MAP7D2: variants seen among roughly 807,000 people sequenced by gnomAD.
The protein encoded by MAP7D2 is MAP7 domain-containing protein 2.
A neutral mutation model predicts 63.5 loss-of-function variants in MAP7D2; 33 were observed. The observed-to-expected ratio is 0.52, with a 90% confidence interval of 0.39 to 0.70. The LOEUF (loss-of-function observed/expected upper bound fraction) is 0.70. MAP7D2 is among the 30% of genes least tolerant of loss of function. The probability of loss-of-function intolerance (pLI) is 0.00; values close to 1 mark genes in which losing one functional copy is unlikely to be tolerated. For missense variants in MAP7D2, 626 were observed against 604.0 expected, an observed-to-expected ratio of 1.04 and a Z score of -0.38; for synonymous variants, 224 against 223.7, an observed-to-expected ratio of 1.00 and a Z score of -0.01.
chrX:20,080,417 G>C (rs764915320), intron 1 of MAP7D2, among the ~76,000 whole-genome samples: 4 of 110,513 alleles, frequency 3.6e-5, no homozygotes, highest in African/African-American at 1.3e-4. Context: ...AAACCAACAA[G>C]CAAATGGGGC....
Position 20,016,321 on chromosome X carries a change from C to T in MAP7D2, c.1417G>A (p.Glu473Lys), listed in dbSNP as rs762383730. 6 of 1,207,457 alleles carry T rather than the reference C, an allele frequency of 5.0e-6. No individual in the cohort carries two copies. The highest frequency in any genetic ancestry group is 4.5e-6 in the Non-Finnish European group (4 of 893,365). ...RLEKEEQDRL[E>K]REELKRKAEE... ...GCCTTTCTTTTCAATTCCTCTCTCT[C>T]CAGCCTTTTGAGAATACAACTGTTG... The change falls in exon 11 of 17, where the codon GAG (glutamate) becomes AAG (lysine). Residue 473 changes from glutamate to lysine, a missense_variant. Glu to Lys is a moderately conservative substitution (Grantham distance 56). Transcript: ENST00000379643.
intron 4 of MAP7D2, among the ~76,000 whole-genome samples, chrX:20,055,321 A>G (rs1182452913): frequency 8.9e-6 from 1 of 111,994 alleles, no homozygotes; most frequent in Non-Finnish European, 1.9e-5. Flanking sequence ...CCAGGAATCT[A>G]TCACTTTAAC....
At position 20,047,824 on chromosome X, in the gene MAP7D2, A is replaced by G. The variant is rs1316606287; in HGVS notation, c.718+3000T>C. ...GCAACAGAGCAAGACCTTGTCTCCA[A>G]AATAAATAAATAAATAAATAAATAA... On this transcript the variant is annotated intron_variant, in intron 6 of 16. Coordinates refer to ENST00000379643, the MANE Select transcript of MAP7D2 (RefSeq NM_001168465.2). Among the ~76,000 whole-genome samples the G allele has an allele frequency of 4.0e-5, 4 of 101,165 alleles. No individual in the cohort carries two copies. In the East Asian group the frequency reaches 1.2e-3, roughly 29 times the overall value. The allele number at this position is 101,165 out of a possible 115,157, so 87.8% of individuals were successfully genotyped here.
chrX:20,023,759 T>C (rs1275033231), intron 10 of MAP7D2, among the ~76,000 whole-genome samples: 2 of 111,505 alleles, frequency 1.8e-5, no homozygotes, highest in South Asian at 3.8e-4. Context: ...TCTGAGGTCC[T>C]GTGATTCATC....
At chrX:20,094,509 T>C (rs1308815006) in intron 1 of MAP7D2, among the ~76,000 whole-genome samples, 504 of 18,127 alleles carry the variant, frequency 0.028, 31 homozygotes, top group Non-Finnish European at 0.048. Flanking sequence ...TATATATATA[T>C]ATATATGTAT....
chrX:20,083,972 G>A (rs1369702443), intron 1 of MAP7D2, among the ~76,000 whole-genome samples: 2 of 111,160 alleles, frequency 1.8e-5, no homozygotes, highest in Non-Finnish European at 3.8e-5. Context: ...AGGCTGAGAC[G>A]AGTGGATCAC....
chrX:20,055,541 G>A (rs911942084), intron 4 of MAP7D2, among the ~76,000 whole-genome samples: 1 of 111,798 alleles, frequency 8.9e-6, no homozygotes, highest in African/African-American at 3.3e-5. Flanking sequence ...TAAGATGTAA[G>A]GCATGCACCG....
chrX:20,049,811 G>A (rs1431486781), intron 6 of MAP7D2: 12 of 321,228 alleles, frequency 3.7e-5, no homozygotes, highest in Non-Finnish European at 7.2e-5. Flanking sequence ...CAGTGTGTGA[G>A]GGAAGAGTGT....
chrX:20,062,736 T>C, intron 3 of MAP7D2, among the ~76,000 whole-genome samples: 1 of 112,493 alleles, frequency 8.9e-6, no homozygotes, highest in Non-Finnish European at 1.9e-5. Flanking sequence ...GCTTTCTAAA[T>C]ATATTTTCAA....
rs1222526682 is a variant in MAP7D2, at chrX:20,107,405, T to C, written c.130+9345A>G. Among the ~76,000 whole-genome samples the C allele has an allele frequency of 3.6e-5, 4 of 110,712 alleles. No individual in the cohort carries two copies. In the South Asian group the frequency reaches 1.1e-3, roughly 32 times the overall value. ...AGACAACATGGTGAAACCCTGTCTC[T>C]ACTAAAAATACAAAAATTAGCTAGG... On this transcript the variant is annotated intron_variant, in intron 1 of 16. Coordinates refer to ENST00000379643, the MANE Select transcript of MAP7D2 (RefSeq NM_001168465.2).
Position 20,027,759 on chromosome X carries a change from A to G in MAP7D2, c.1008-1807T>C, listed in dbSNP as rs1197637723. Among the ~76,000 whole-genome samples the G allele has an allele frequency of 6.3e-3, 298 of 47,380 alleles. 2 individuals carry two copies. The highest frequency in any genetic ancestry group is 0.02 in the African/African-American group (101 of 5,119). 41.1% of individuals were successfully genotyped at this position (47,380 alleles called of 115,157 possible). A position where few individuals can be genotyped will look rare whatever the true frequency, so the allele number is the denominator to read the frequency against. Reference sequence around the variant, plus strand: ...AGAGAGGGAGAGAGAAGGCGGGGGGAGAGAGAGAGAGAGAGAGAGAGAGAG... The same window carrying G: ...AGAGAGGGAGAGAGAAGGCGGGGGGGGAGAGAGAGAGAGAGAGAGAGAGAG... On this transcript the variant is annotated intron_variant, in intron 8 of 16. Transcript: ENST00000379643.
At position 20,025,760 on chromosome X, in the gene MAP7D2, G is replaced by C. The variant is rs1235474349; in HGVS notation, c.1200C>G (p.Ala400=). 1.7e-6 allele frequency: 2 copies of C among 1,211,587 alleles called. No homozygotes were observed. Among genetic ancestry groups the C allele is most frequent in the Non-Finnish European group, 2.2e-6 (2 of 895,438 alleles). The change falls in exon 9 of 17, where the codon GCC becomes GCG. Residue 400 remains alanine, a synonymous_variant. Coordinates refer to ENST00000379643, the MANE Select transcript of MAP7D2 (RefSeq NM_001168465.2). ...QQAAGPQGEE[A]LEKHVVDKHA... is the part of the protein sequence containing the mutation. ...GCTTGTCCACTACATGCTTCTCTAG[G>C]GCTTCCTCTCCTTGCGGGCCAGCAG...
Position 20,116,847 on chromosome X carries a change from TC to T in MAP7D2, c.32del (p.Gly11AspfsTer39). On this transcript the variant is annotated frameshift_variant, in exon 1 of 17. Transcript: ENST00000379643. LOFTEE classifies it high-confidence loss of function. ...CCCGCGCAGTCCCCTCAGGCCGGGA[TC>T]CCGTCCCGGAGCCGCCGCCGCCGCG... is the stretch of plus-strand genomic sequence containing the variant. Reference protein sequence around the residue: MERGGGGSGTGSRPEGTARGT... With the variant: MERGGGGSGTXSRPEGTARGT... 8.6e-7 allele frequency: 1 copy of T among 1,161,323 alleles called. No homozygotes were observed. The highest frequency in any genetic ancestry group is 1.1e-6 in the Non-Finnish European group (1 of 872,509).
intron 8 of MAP7D2, among the ~76,000 whole-genome samples, chrX:20,032,850 C>A (rs2074097183): frequency 1.8e-5 from 2 of 112,414 alleles, no homozygotes; most frequent in Non-Finnish European, 3.8e-5. Flanking sequence ...TAGTCCTTCA[C>A]TGGCCTGACA....
intron 8 of MAP7D2, among the ~76,000 whole-genome samples, chrX:20,026,737 C>T (rs2073858344): frequency 8.9e-6 from 1 of 111,981 alleles, no homozygotes; most frequent in South Asian, 3.8e-4. Context: ...GGGTCCGTTA[C>T]AGGTACGCCA....
chrX:20,029,096 C>T (rs930821989), intron 8 of MAP7D2, among the ~76,000 whole-genome samples: 18 of 112,410 alleles, frequency 1.6e-4, no homozygotes, highest in African/African-American at 5.8e-4. Flanking sequence ...CCTGCGAGCC[C>T]ACACTCTGGG....
intron 6 of MAP7D2, among the ~76,000 whole-genome samples, chrX:20,044,986 C>A (rs1272864363): frequency 1.8e-5 from 2 of 111,563 alleles, no homozygotes; most frequent in Non-Finnish European, 3.8e-5. Context: ...ATGGTTTATG[C>A]TAAGCATCTG....
intron 4 of MAP7D2, 94 bp downstream of exon 4, chrX:20,056,586 A>C (rs2065073436): frequency 1.4e-6 from 1 of 697,720 alleles, no homozygotes; most frequent in Admixed American, 2.6e-5. Context: ...AGCATCCCCC[A>C]GATCCTGGAG....
At chrX:20,083,469 A>T (rs942420475) in intron 1 of MAP7D2, among the ~76,000 whole-genome samples, 1 of 112,112 alleles carries the variant, frequency 8.9e-6, no homozygotes, top group African/African-American at 3.2e-5. Context: ...TCATTTCAGG[A>T]ACATAAAAAT....
Sources: allele counts gnomAD v4.1 joint callset (sites outside exome capture counted in the v4.1 genomes callset), GRCh38; gene constraint gnomAD v4.1.1; transcripts MANE v1.5; gene names NCBI Gene and HGNC (gene_info 2026-07-23, HGNC 2026-07-21).